The following TMEM117 variants were observed in gnomAD, a reference collection of about 807,000 sequenced individuals.
The protein encoded by TMEM117 is transmembrane protein 117.
In TMEM117, 27 loss-of-function variants were observed where a neutral mutation model predicts 52.4. The ratio of observed to expected loss-of-function variants is 0.51; its 90% confidence interval spans 0.38 to 0.71. The LOEUF is 0.71. Among genes scored for constraint, TMEM117 ranks in the 30% least tolerant of loss-of-function variants. The pLI is 0.00. For missense variants in TMEM117, 556 were observed against 630.5 expected (o/e 0.88, Z 1.26); for synonymous variants, 215 against 206.3 (o/e 1.04, Z -0.36).
intron 2 of TMEM117, among the ~76,000 whole-genome samples, chr12:43,859,642 G>A (rs1943456007): frequency 6.6e-6 from 1 of 152,164 alleles, no homozygotes; most frequent in African/African-American, 2.4e-5. Flanking sequence ...CACAGTTGCT[G>A]GGGTATAACT....
chr12:43,966,557 A>G (rs1372307711), intron 3 of TMEM117, among the ~76,000 whole-genome samples: 1 of 152,128 alleles, frequency 6.6e-6, no homozygotes, highest in Admixed American at 6.5e-5. Flanking sequence ...ACCTTGGGAT[A>G]CTCTAAGGGG....
At chr12:44,052,720 C>T (rs1338018612) in intron 3 of TMEM117, among the ~76,000 whole-genome samples, 2 of 152,188 alleles carry the variant, frequency 1.3e-5, no homozygotes, top group African/African-American at 2.4e-5. Context: ...GAAATAGTCC[C>T]ATGCCCTTTG....
At chr12:43,814,519 G>A in the TMEM117 span, among the ~76,000 whole-genome samples, 1 of 152,072 alleles carries the variant, frequency 6.6e-6, no homozygotes, top group Non-Finnish European at 1.5e-5. Flanking sequence ...CAGCTAACTT[G>A]TCCAGACTCT....
At chr12:44,302,785 G>A (rs1950857300) in intron 6 of TMEM117, among the ~76,000 whole-genome samples, 1 of 152,050 alleles carries the variant, frequency 6.6e-6, no homozygotes, top group African/African-American at 2.4e-5. Context: ...GTTAATTTAA[G>A]GAAACAGAGC....
Position 44,007,749 on chromosome 12 carries a change from G to A in TMEM117, c.410+63407G>A, listed in dbSNP as rs548138143. On this transcript the variant is annotated intron_variant, in intron 3 of 7. Transcript: ENST00000266534. ...GGCTAGTATTTCTGGTGCTGTTCTC[G>A]TGATAGTGAATAAGTCTCATGAGAT... Among the ~76,000 whole-genome samples, 174 of 152,106 alleles carry A rather than the reference G, an allele frequency of 1.1e-3. 1 individual carries two copies. Among genetic ancestry groups the A allele is most frequent in the Non-Finnish European group, 2.2e-3 (153 of 68,020 alleles).
chr12:43,820,103 T>TTTTTGTTTTTG, the TMEM117 span, among the ~76,000 whole-genome samples: 1 of 151,588 alleles, frequency 6.6e-6, no homozygotes, highest in African/African-American at 2.4e-5. Context: ...AGGTGTATTT[T>TTTTTGTTTTTG]TTTTTGTTTT....
chr12:43,907,124 T>G (rs1213443338), intron 2 of TMEM117, among the ~76,000 whole-genome samples: 3 of 152,172 alleles, frequency 2.0e-5, no homozygotes, highest in Admixed American at 6.5e-5. Flanking sequence ...GAGCAGTGGT[T>G]CTCCCAGCAC....
intron 6 of TMEM117, among the ~76,000 whole-genome samples, chr12:44,374,433 A>G (rs1951909914): frequency 6.6e-6 from 1 of 152,230 alleles, no homozygotes; most frequent in South Asian, 2.1e-4. Flanking sequence ...TGCTTCTGTC[A>G]CACTTCACAC....
chr12:43,949,566 CT>C (rs1307574371), intron 3 of TMEM117, among the ~76,000 whole-genome samples: 1 of 152,242 alleles, frequency 6.6e-6, no homozygotes, highest in Admixed American at 6.5e-5. Context: ...ACTAGCCCAA[CT>C]TCTGAGATCT....
intron 3 of TMEM117, among the ~76,000 whole-genome samples, chr12:44,029,303 C>G (rs1244962056): frequency 6.6e-6 from 1 of 152,150 alleles, no homozygotes; most frequent in African/African-American, 2.4e-5. Flanking sequence ...AGGTTTGGCA[C>G]TATGGGATGT....
rs548043926 is a variant in TMEM117, at chr12:43,923,581, C to T, written c.278-20629C>T. 2.6e-5 allele frequency among the ~76,000 whole-genome samples: 4 copies of T among 152,282 alleles called. No individual in the cohort carries two copies. The East Asian group carries it at 7.7e-4, about 29-fold the overall frequency. Reference sequence around the variant, plus strand: ...TCCAGGCACTAATGGATAACTATTTCTAAGACTGTACAAGAGGCTAATTCA... The same window carrying T: ...TCCAGGCACTAATGGATAACTATTTTTAAGACTGTACAAGAGGCTAATTCA... On this transcript the variant is annotated intron_variant, in intron 2 of 7. Coordinates refer to ENST00000266534, the MANE Select transcript of TMEM117 (RefSeq NM_032256.3).
intron 2 of TMEM117, among the ~76,000 whole-genome samples, chr12:43,929,612 C>A (rs1397252968): frequency 1.3e-5 from 2 of 152,082 alleles, no homozygotes; most frequent in Admixed American, 6.5e-5. Context: ...TGTAAAACCA[C>A]CATGACAGTC....
At chr12:44,355,729 A>T (rs917568983) in intron 6 of TMEM117, among the ~76,000 whole-genome samples, 1 of 152,056 alleles carries the variant, frequency 6.6e-6, no homozygotes, top group Admixed American at 6.6e-5. Context: ...TTTTGGAAAC[A>T]CTGAAGACTC....
chr12:44,144,936 T>C (rs1187857953), intron 4 of TMEM117, among the ~76,000 whole-genome samples: 9 of 152,096 alleles, frequency 5.9e-5, no homozygotes, highest in Admixed American at 5.9e-4. Flanking sequence ...GGCGGGCGGA[T>C]CATGAGGTCA....
chr12:44,353,145 C>T (rs1181167361), intron 6 of TMEM117, among the ~76,000 whole-genome samples: 2 of 151,576 alleles, frequency 1.3e-5, no homozygotes, highest in African/African-American at 2.4e-5. Context: ...ATGGGGTTGT[C>T]TGTTTTTTTC....
intron 3 of TMEM117, among the ~76,000 whole-genome samples, chr12:43,990,767 A>G (rs1286037815): frequency 6.6e-6 from 1 of 152,172 alleles, no homozygotes; most frequent in African/African-American, 2.4e-5. Flanking sequence ...TGAGAGAGGC[A>G]TAAGAGACCT....
intron 3 of TMEM117, among the ~76,000 whole-genome samples, chr12:44,025,270 C>A (rs1485753381): frequency 5.9e-5 from 9 of 152,098 alleles, no homozygotes; most frequent in African/African-American, 2.2e-4. Flanking sequence ...TTCAGGGGCA[C>A]CTAATCACCA....
chr12:44,102,634 AC>A lies in TMEM117; in HGVS notation c.411-40890del, dbSNP rs370840289. 4.9e-3 allele frequency among the ~76,000 whole-genome samples: 748 copies of A among 152,072 alleles called. 4 individuals are homozygous for A. Among genetic ancestry groups the A allele is most frequent in the African/African-American group, 0.016 (683 of 41,512 alleles). On this transcript the variant is annotated intron_variant, in intron 3 of 7. Transcript: ENST00000266534. Reference sequence around the variant, plus strand: ...CTCCGAGCCCTAAAATGCAGTACAAACAAAAGGTTTCAGAAATAGTCCAAAC... The same window carrying A: ...CTCCGAGCCCTAAAATGCAGTACAAAAAAAGGTTTCAGAAATAGTCCAAAC...
intron 3 of TMEM117, among the ~76,000 whole-genome samples, chr12:43,951,759 G>A (rs963012337): frequency 1.3e-5 from 2 of 151,642 alleles, no homozygotes; most frequent in South Asian, 2.1e-4. Flanking sequence ...TGATGAGGGC[G>A]ATTCCCTGAG....
Sources: allele counts gnomAD v4.1 joint callset (sites outside exome capture counted in the v4.1 genomes callset), GRCh38; gene constraint gnomAD v4.1.1; transcripts MANE v1.5; gene names NCBI Gene and HGNC (gene_info 2026-07-23, HGNC 2026-07-21).